PRKG1: variants seen among roughly 807,000 people sequenced by gnomAD.
PRKG1 encodes protein kinase cGMP-dependent 1.
In PRKG1, 35 loss-of-function variants were observed where a neutral mutation model predicts 88.1. The observed-to-expected ratio is 0.40, with a 90% CI of 0.30 to 0.53. PRKG1 has a LOEUF of 0.53. Ranked by LOEUF, PRKG1 falls within the 20% of genes least tolerant of loss-of-function variation. The pLI, the probability that PRKG1 is intolerant of heterozygous loss-of-function variation, is 0.59. For missense variants in PRKG1, 540 were observed against 839.8 expected (o/e 0.64, Z 4.41); for synonymous variants, 303 against 292.5 (o/e 1.04, Z -0.37).
chr10:51,292,453 T>C (rs1840606149), intron 2 of PRKG1, among the ~76,000 whole-genome samples: 1 of 152,178 alleles, frequency 6.6e-6, no homozygotes, highest in East Asian at 1.9e-4. Flanking sequence ...TTCTACATGG[T>C]AATTTGTTTA....
At chr10:51,274,666 C>A (rs990403579) in intron 2 of PRKG1, among the ~76,000 whole-genome samples, 1 of 152,172 alleles carries the variant, frequency 6.6e-6, no homozygotes, top group African/African-American at 2.4e-5. Context: ...CAGAGCAGGG[C>A]TGCTCTTCTT....
At chr10:51,742,792 C>T (rs79560952) in intron 3 of PRKG1, among the ~76,000 whole-genome samples, 2,126 of 152,076 alleles carry the variant, frequency 0.014, 23 homozygotes, top group Non-Finnish European at 0.022. Flanking sequence ...TAAATGAAGC[C>T]ATGAGTATGG....
intron 4 of PRKG1, among the ~76,000 whole-genome samples, chr10:51,868,318 G>A (rs939279993): frequency 3.9e-5 from 6 of 152,134 alleles, no homozygotes; most frequent in Non-Finnish European, 5.9e-5. Flanking sequence ...GCATGATGGA[G>A]CACTGAGATG....
intron 9 of PRKG1, among the ~76,000 whole-genome samples, chr10:52,204,534 T>G (rs1321318364): frequency 1.3e-5 from 2 of 152,250 alleles, no homozygotes; most frequent in East Asian, 3.9e-4. Flanking sequence ...GTACCCCAAA[T>G]TAATACTTTT....
At chr10:51,349,404 G>A (rs1387706865) in intron 2 of PRKG1, among the ~76,000 whole-genome samples, 1 of 151,288 alleles carries the variant, frequency 6.6e-6, no homozygotes, top group Non-Finnish European at 1.5e-5. Flanking sequence ...ATTTTAGTGT[G>A]TATTTTGTTC....
intron 1 of PRKG1, among the ~76,000 whole-genome samples, chr10:51,033,030 G>T (rs1021191198): frequency 6.6e-6 from 1 of 151,962 alleles, no homozygotes; most frequent in African/African-American, 2.4e-5. Flanking sequence ...TAACTACTCT[G>T]CTTTTTTTCT....
chr10:52,271,514 A>C, intron 11 of PRKG1, 25 bp downstream of exon 11: 1 of 1,603,746 alleles, frequency 6.2e-7, no homozygotes, highest in Non-Finnish European at 8.5e-7. Context: ...CCAGGGACAG[A>C]CGTACCCAAC....
chr10:51,374,232 C>T (rs1842770719), intron 2 of PRKG1, among the ~76,000 whole-genome samples: 2 of 151,110 alleles, frequency 1.3e-5, no homozygotes, highest in Non-Finnish European at 3.0e-5. Context: ...GCAGTCCCTC[C>T]CCTAGCACCC....
Position 50,991,294 on chromosome 10 carries a change from T to G in PRKG1, c.-85T>G, listed in dbSNP as rs1464797370. On this transcript the variant is annotated 5_prime_UTR_variant, in exon 1 of 18. Coordinates refer to the PRKG1 transcript ENST00000401604. The surrounding 1 kb of genome is among the most constrained non-coding windows in gnomAD (Gnocchi z 4.5). ...TCACTCGCTCACCCGCGCTCTCCGC[T>G]GCCGGCTGCCGTCCCAGCCGCCGCC... The G allele has an allele frequency of 1.4e-6, 2 of 1,450,794 alleles. No homozygotes were observed. The highest frequency in any genetic ancestry group is 1.8e-6 in the Non-Finnish European group (2 of 1,104,234). 89.9% of individuals were successfully genotyped at this position (1,450,794 alleles called of 1,614,324 possible). A position where few individuals can be genotyped will look rare whatever the true frequency, so the allele number is the denominator to read the frequency against.
At position 51,093,801 on chromosome 10, in the gene PRKG1, T is replaced by TACAC. The variant is rs57772981; in HGVS notation, c.311+18931_311+18934dup. 3.8e-3 allele frequency among the ~76,000 whole-genome samples: 484 copies of TACAC among 127,644 alleles called. 4 individuals are homozygous for TACAC. Among genetic ancestry groups the TACAC allele is most frequent in the African/African-American group, 0.013 (443 of 34,690 alleles). 83.7% of individuals were successfully genotyped at this position (127,644 alleles called of 152,430 possible). On this transcript the variant is annotated intron_variant, in intron 1 of 17. Transcript: ENST00000373980. ...TATATATGTATTTTATATATATATATACACACACACACACACACACACACA... is the reference window on the plus strand; with the variant it reads ...TATATATGTATTTTATATATATATATACACACACACACACACACACACACACACA...
At chr10:51,752,163 A>G (rs1214679265) in intron 3 of PRKG1, among the ~76,000 whole-genome samples, 2 of 152,158 alleles carry the variant, frequency 1.3e-5, no homozygotes, top group Non-Finnish European at 2.9e-5. Context: ...CATCTCATAT[A>G]TGCTACTTCC....
At chr10:51,281,717 A>G (rs1004949332) in intron 2 of PRKG1, among the ~76,000 whole-genome samples, 2 of 152,138 alleles carry the variant, frequency 1.3e-5, no homozygotes, top group South Asian at 2.1e-4. Flanking sequence ...ATGGCCTATC[A>G]TTTAGGGCCT....
chr10:51,153,323 C>G lies in PRKG1; in HGVS notation c.471C>G (p.Val157=), dbSNP rs760020835. The G allele has an allele frequency of 2.5e-6, 4 of 1,604,940 alleles. No homozygotes were observed. The highest frequency in any genetic ancestry group is 1.7e-6 in the Non-Finnish European group (2 of 1,174,908). ...KEGDVGSLVY[V]MEDGKVEVTK... ...GAGACGTGGGGTCACTGGTGTATGT[C>G]ATGGAAGGTACGGTTTGTAACTCCA... Residue 157 remains valine (V), a synonymous_variant, in exon 2 of 18, where the codon GTC becomes GTG. Transcript: ENST00000373980.
chr10:51,013,333 G>T (rs1006417302), intron 1 of PRKG1, among the ~76,000 whole-genome samples: 1 of 152,180 alleles, frequency 6.6e-6, no homozygotes, highest in African/African-American at 2.4e-5. Context: ...CACTAGACTT[G>T]CAGACTATGT....
At chr10:52,108,448 C>G (rs1460460112) in intron 7 of PRKG1, among the ~76,000 whole-genome samples, 1 of 152,114 alleles carries the variant, frequency 6.6e-6, no homozygotes, top group East Asian at 1.9e-4. Flanking sequence ...GTTTCATATT[C>G]AAACAATGAC....
chr10:50,996,418 A>G (rs1048034982), intron 1 of PRKG1, among the ~76,000 whole-genome samples: 2 of 152,230 alleles, frequency 1.3e-5, no homozygotes, highest in Non-Finnish European at 2.9e-5. Context: ...TCTAAATAGG[A>G]AGAAATGAAC....
intron 5 of PRKG1, 98 bp from the exon 6 acceptor site, chr10:52,054,386 G>A: frequency 2.4e-6 from 2 of 816,498 alleles, no homozygotes; most frequent in Admixed American, 4.2e-5. Flanking sequence ...AATTCCATTA[G>A]GATGAATATA....
chr10:51,085,528 A>T (rs1458487004), intron 1 of PRKG1, among the ~76,000 whole-genome samples: 1 of 151,894 alleles, frequency 6.6e-6, no homozygotes, highest in Non-Finnish European at 1.5e-5. Context: ...GGTAATTGCT[A>T]CTCTTTTATT....
chr10:51,503,682 A>G (rs1425508753), intron 3 of PRKG1, among the ~76,000 whole-genome samples: 3 of 151,806 alleles, frequency 2.0e-5, no homozygotes, highest in African/African-American at 4.8e-5. Context: ...TCAGTCCTCT[A>G]ATTCTTTAAC....
Sources: allele counts gnomAD v4.1 joint callset (sites outside exome capture counted in the v4.1 genomes callset), GRCh38; gene constraint gnomAD v4.1.1; non-coding constraint Gnocchi (gnomAD v3.1); transcripts MANE v1.5; gene names NCBI Gene and HGNC (gene_info 2026-07-23, HGNC 2026-07-21).